TMEM132B: variants seen among roughly 807,000 people sequenced by gnomAD.
TMEM132B encodes transmembrane protein 132B.
In TMEM132B, 18 loss-of-function variants were observed where a neutral mutation model predicts 90.8. That is an observed-to-expected ratio of 0.20 (90% CI 0.14 to 0.29). The LOEUF (loss-of-function observed/expected upper bound fraction) is 0.29, where lower values mean the gene tolerates loss of function less well. Among genes scored for constraint, TMEM132B ranks in the 10% least tolerant of loss-of-function variants. The probability of loss-of-function intolerance (pLI) is 1.00; values close to 1 mark genes in which losing one functional copy is unlikely to be tolerated. For synonymous variants in TMEM132B, 504 were observed against 523.3 expected (o/e 0.96, Z 0.50); for missense variants, 1,096 against 1,326.8 (o/e 0.83, Z 2.70).
At chr12:125,635,195 G>A (rs913555777) in intron 5 of TMEM132B, among the ~76,000 whole-genome samples, 1 of 152,140 alleles carries the variant, frequency 6.6e-6, no homozygotes, top group Non-Finnish European at 1.5e-5. Context: ...TGCAGAATGT[G>A]CAAGTTTGTT....
intron 3 of TMEM132B, among the ~76,000 whole-genome samples, chr12:125,422,885 TAA>T (rs1206009561): frequency 6.6e-6 from 1 of 152,206 alleles, no homozygotes; most frequent in East Asian, 1.9e-4. Context: ...TGTGAAAGAA[TAA>T]GTCTCTGTTG....
At chr12:125,560,822 ACT>A (rs1884505105) in intron 4 of TMEM132B, among the ~76,000 whole-genome samples, 1 of 103,960 alleles carries the variant, frequency 9.6e-6, no homozygotes, top group African/African-American at 3.9e-5. Context: ...ACAGAGCGAG[ACT>A]CTGTCTCAAA....
At chr12:125,550,612 C>T (rs1390766762) in intron 4 of TMEM132B, among the ~76,000 whole-genome samples, 3 of 152,114 alleles carry the variant, frequency 2.0e-5, no homozygotes, top group Non-Finnish European at 2.9e-5. Context: ...TCCCAGGACA[C>T]CTTCAGACTA....
chr12:125,430,603 C>T (rs988534376), intron 3 of TMEM132B, among the ~76,000 whole-genome samples: 2 of 152,132 alleles, frequency 1.3e-5, no homozygotes, highest in African/African-American at 4.8e-5. Context: ...GTCACAGAAT[C>T]CAGCCGAGCT....
chr12:125,380,200 G>T (rs1302709224), intron 2 of TMEM132B, among the ~76,000 whole-genome samples: 1 of 152,128 alleles, frequency 6.6e-6, no homozygotes, highest in African/African-American at 2.4e-5. Context: ...ATATGTCCCC[G>T]TGGTTCTCTC....
chr12:125,306,723 A>G (rs531593046), intron 1 of TMEM132B, among the ~76,000 whole-genome samples: 36 of 152,148 alleles, frequency 2.4e-4, no homozygotes, highest in African/African-American at 8.4e-4. Flanking sequence ...TCCCTTCTCA[A>G]TCCTTTCTTC....
chr12:125,205,774 G>C (rs1364021414), intron 1 of TMEM132B, among the ~76,000 whole-genome samples: 1 of 152,220 alleles, frequency 6.6e-6, no homozygotes, highest in Non-Finnish European at 1.5e-5. Flanking sequence ...ACCCAGCCTT[G>C]GAAACCACGT....
chr12:125,513,114 T>C (rs1352596645), intron 3 of TMEM132B, among the ~76,000 whole-genome samples: 1 of 152,246 alleles, frequency 6.6e-6, no homozygotes, highest in Non-Finnish European at 1.5e-5. Context: ...CCTGCCTGCC[T>C]ACGCAGGTCT....
At chr12:125,480,436 G>A (rs545113023) in intron 3 of TMEM132B, among the ~76,000 whole-genome samples, 3 of 152,224 alleles carry the variant, frequency 2.0e-5, no homozygotes, top group East Asian at 3.9e-4. Flanking sequence ...TATCACCACC[G>A]ATCCCACAGA....
At chr12:125,447,890 ATTTC>A (rs1881046963) in intron 3 of TMEM132B, among the ~76,000 whole-genome samples, 1 of 152,098 alleles carries the variant, frequency 6.6e-6, no homozygotes. Flanking sequence ...TCATGGTAAT[ATTTC>A]TTCTTTCTGT....
chr12:125,324,126 A>G (rs1378858743), intron 1 of TMEM132B, among the ~76,000 whole-genome samples: 5 of 152,256 alleles, frequency 3.3e-5, no homozygotes, highest in African/African-American at 4.8e-5. Context: ...TGGAGGCCTC[A>G]TGTTTGCAGA....
intron 5 of TMEM132B, among the ~76,000 whole-genome samples, chr12:125,616,282 G>C (rs1300788348): frequency 6.6e-6 from 1 of 151,964 alleles, no homozygotes; most frequent in East Asian, 1.9e-4. Context: ...CATTTTTTAT[G>C]GCTGCATAGT....
chr12:125,545,757 CAA>C (rs1488696935), intron 4 of TMEM132B, among the ~76,000 whole-genome samples: 1 of 152,184 alleles, frequency 6.6e-6, no homozygotes, highest in Non-Finnish European at 1.5e-5. Context: ...GAAGAAGAGA[CAA>C]GAGATAATGA....
At chr12:125,255,526 G>A (rs930832246) in intron 1 of TMEM132B, among the ~76,000 whole-genome samples, 6 of 152,178 alleles carry the variant, frequency 3.9e-5, no homozygotes, top group Non-Finnish European at 8.8e-5. Context: ...ATGCCTTTTC[G>A]TCTCCTAAAA....
In TMEM132B at chr12:125,350,246, G is replaced by T. The variant is rs775660946; in HGVS notation, c.862G>T (p.Val288Phe). 4.3e-6 allele frequency: 7 copies of T among 1,614,110 alleles called. No individual in the cohort carries two copies. The highest frequency in any genetic ancestry group is 3.3e-4 in the Middle Eastern group (2 of 6,062). ...CCTGGTGAGCTTGGACGAGAATGTG[G>T]TCATCTCGGTACCTCTGAATCTAGT... is the stretch of plus-strand genomic sequence containing the variant. The part of the protein sequence containing the change: ...WSLVSLDENV[V>F]ISVPLNLVRE... Residue 288 changes from valine to phenylalanine, a missense_variant, in exon 2 of 9, where the codon GTC becomes TTC. Val to Phe is a conservative substitution (Grantham distance 50). Coordinates refer to ENST00000682704, the MANE Select transcript of TMEM132B (RefSeq NM_001366854.1).
At chr12:125,390,244 A>G (rs1878969973) in intron 2 of TMEM132B, among the ~76,000 whole-genome samples, 1 of 152,286 alleles carries the variant, frequency 6.6e-6, no homozygotes, top group African/African-American at 2.4e-5. Flanking sequence ...CCAAGTGTCC[A>G]TCAACAGTGG....
chr12:125,296,685 C>T (rs555969625), intron 1 of TMEM132B, among the ~76,000 whole-genome samples: 3 of 152,348 alleles, frequency 2.0e-5, no homozygotes, highest in Non-Finnish European at 2.9e-5. Context: ...CAGCACCTGG[C>T]GGGGGCTCCT....
intron 1 of TMEM132B, among the ~76,000 whole-genome samples, chr12:125,227,295 T>G (rs1490480646): frequency 6.6e-6 from 1 of 152,166 alleles, no homozygotes; most frequent in African/African-American, 2.4e-5. Context: ...TTCACATGTA[T>G]TAACTCATTT....
At chr12:125,524,409 A>G (rs1883391170) in intron 4 of TMEM132B, among the ~76,000 whole-genome samples, 1 of 152,206 alleles carries the variant, frequency 6.6e-6, no homozygotes, top group Admixed American at 6.5e-5. Flanking sequence ...GGTAGGTGGC[A>G]GTGAGATATT....
Sources: gnomAD v4.1 joint callset for allele counts (sites outside exome capture counted in the v4.1 genomes callset) on GRCh38, gnomAD v4.1.1 for gene constraint, MANE v1.5 for transcripts, NCBI Gene and HGNC (gene_info 2026-07-23, HGNC 2026-07-21) for gene names.